PDCD10: variants seen among roughly 807,000 people sequenced by gnomAD.
PDCD10 encodes the protein programmed cell death 10.
PDCD10 carries 4 observed loss-of-function variants against 29.2 expected under a neutral mutation model. The observed-to-expected ratio is 0.14, with a 90% CI of 0.07 to 0.31. The LOEUF (loss-of-function observed/expected upper bound fraction) is 0.31, where lower values mean the gene tolerates loss of function less well. PDCD10 is among the 10% of genes least tolerant of loss of function. The pLI is 1.00. For synonymous variants in PDCD10, 70 were observed against 82.2 expected, an observed-to-expected ratio of 0.85 and a Z score of 0.80; for missense variants, 183 against 257.9, an observed-to-expected ratio of 0.71 and a Z score of 1.99.
intron 5 of PDCD10, 89 bp downstream of exon 5, chr3:167,696,920 A>T (rs1164835066): frequency 1.3e-6 from 1 of 794,890 alleles, no homozygotes; most frequent in African/African-American, 1.7e-5. Flanking sequence ...AACAGTAGGG[A>T]AGGAAGATCC....
In PDCD10 at chr3:167,703,927, C is replaced by T. The variant is rs560989531; in HGVS notation, c.150+915G>A. Among the ~76,000 whole-genome samples the T allele has an allele frequency of 7.2e-5, 11 of 152,190 alleles. No homozygotes were observed. The South Asian group carries it at 2.3e-3, about 32-fold the overall frequency. The stretch of plus-strand genomic sequence containing the variant: ...TACTAAGCTAGTTTACTTTCTTTTT[C>T]TTATATGAAGTCTTCAAAATCTGTG... On this transcript the variant is annotated intron_variant, in intron 4 of 8. Transcript: ENST00000392750.
At chr3:167,702,536 A>G (rs1404478525) in intron 4 of PDCD10, among the ~76,000 whole-genome samples, 2 of 152,156 alleles carry the variant, frequency 1.3e-5, no homozygotes, top group Admixed American at 6.5e-5. Context: ...TTATACTCAA[A>G]TCTTCAACTC....
At chr3:167,687,521 T>C (rs1719748111) in intron 7 of PDCD10, 94 bp downstream of exon 7, 1 of 828,766 alleles carries the variant, frequency 1.2e-6, no homozygotes, top group Non-Finnish European at 2.1e-6. Flanking sequence ...CACAAAACTA[T>C]TTCCAACAAT....
At chr3:167,693,797 A>G (rs1720507698) in intron 6 of PDCD10, among the ~76,000 whole-genome samples, 1 of 152,068 alleles carries the variant, frequency 6.6e-6, no homozygotes. Context: ...TTAAAAAAAA[A>G]AAAAAGAAAT....
rs62278330 is a variant in PDCD10 at position 167,732,927 on chromosome 3, G to C, written c.-117+1287C>G. Reference sequence around the variant, plus strand: ...GTTATCACCACATAATTTTCCATTTGTTTAACTGGGTCTTCCTTGTCTGTG... The same window carrying C: ...GTTATCACCACATAATTTTCCATTTCTTTAACTGGGTCTTCCTTGTCTGTG... On this transcript the variant is annotated intron_variant, in intron 2 of 8. Coordinates refer to ENST00000392750, the MANE Select transcript of PDCD10 (RefSeq NM_007217.4). Among the ~76,000 whole-genome samples, 342 of 152,210 alleles carry C rather than the reference G, an allele frequency of 2.2e-3. 1 individual carries two copies. Among genetic ancestry groups the C allele is most frequent in the Non-Finnish European group, 4.3e-3 (292 of 68,000 alleles).
intron 2 of PDCD10, among the ~76,000 whole-genome samples, chr3:167,727,683 T>G (rs954601395): frequency 2.0e-4 from 31 of 152,368 alleles, no homozygotes; most frequent in African/African-American, 7.5e-4. Flanking sequence ...AGGTCCTCTC[T>G]GCTTAAAGGT....
intron 3 of PDCD10, among the ~76,000 whole-genome samples, chr3:167,708,427 T>C (rs541583986): frequency 6.6e-6 from 1 of 152,298 alleles, no homozygotes; most frequent in African/African-American, 2.4e-5. Flanking sequence ...ACAAATCTAC[T>C]TGCTTCCTCA....
intron 4 of PDCD10, among the ~76,000 whole-genome samples, chr3:167,698,479 C>G (rs776077750): frequency 7.9e-5 from 12 of 151,816 alleles, no homozygotes; most frequent in Non-Finnish European, 1.8e-4. Context: ...GTGGCTGCAG[C>G]GAGCTATGAT....
At chr3:167,720,579 C>CCATA (rs1416585187) in intron 2 of PDCD10, among the ~76,000 whole-genome samples, 2 of 151,710 alleles carry the variant, frequency 1.3e-5, no homozygotes, top group Admixed American at 1.3e-4. Context: ...TGTCATGCCA[C>CCATA]CATATACAAT....
rs144292920 is a variant in PDCD10 at position 167,702,876 on chromosome 3, ATTAG to A, written c.150+1962_150+1965del. 3.9e-3 allele frequency among the ~76,000 whole-genome samples: 593 copies of A among 152,336 alleles called. 4 individuals are homozygous for A. The highest frequency in any genetic ancestry group is 7.0e-3 in the Non-Finnish European group (477 of 68,022). The stretch of plus-strand genomic sequence containing the variant: ...ATAATTAAAAATACATCAGTGTAAA[ATTAG>A]TTACTTTGTTTTCTTCCAAAATAAG... On this transcript the variant is annotated intron_variant, in intron 4 of 8. Transcript: ENST00000392750.
chr3:167,717,259 A>G (rs998603959), intron 3 of PDCD10, among the ~76,000 whole-genome samples: 1 of 152,010 alleles, frequency 6.6e-6, no homozygotes, highest in African/African-American at 2.4e-5. Flanking sequence ...AGGTGTAAAC[A>G]TGTCCTACTA....
intron 6 of PDCD10, among the ~76,000 whole-genome samples, chr3:167,688,626 C>T (rs1197196421): frequency 6.6e-6 from 1 of 152,052 alleles, no homozygotes; most frequent in African/African-American, 2.4e-5. Flanking sequence ...TGTAATTCTG[C>T]ATTCTCAAAT....
chr3:167,699,663 C>G (rs529285783), intron 4 of PDCD10, among the ~76,000 whole-genome samples: 3 of 151,998 alleles, frequency 2.0e-5, no homozygotes, highest in Admixed American at 2.0e-4. Flanking sequence ...AAAAATAAAC[C>G]GAAGGGCAGC....
At chr3:167,732,103 G>C (rs1470061657) in intron 2 of PDCD10, among the ~76,000 whole-genome samples, 4 of 152,292 alleles carry the variant, frequency 2.6e-5, no homozygotes, top group African/African-American at 9.6e-5. Context: ...GAATATTTAA[G>C]TCACGTTAAG....
intron 2 of PDCD10, among the ~76,000 whole-genome samples, chr3:167,720,745 A>G (rs1309004537): frequency 6.6e-6 from 1 of 152,070 alleles, no homozygotes; most frequent in Non-Finnish European, 1.5e-5. Flanking sequence ...TTTTATTAAA[A>G]CCTTTTTGCT....
intron 8 of PDCD10, 50 bp downstream of exon 8, chr3:167,687,184 C>G (rs1394922550): frequency 3.1e-6 from 3 of 961,772 alleles, no homozygotes; most frequent in Non-Finnish European, 5.0e-6. Context: ...TCATATAAAA[C>G]CACATAATCT....
chr3:167,722,227 G>A (rs889773866), intron 2 of PDCD10, among the ~76,000 whole-genome samples: 45 of 152,050 alleles, frequency 3.0e-4, no homozygotes, highest in Non-Finnish European at 5.9e-5. Flanking sequence ...ACCTTGAAGA[G>A]CTCTCATTGT....
intron 4 of PDCD10, among the ~76,000 whole-genome samples, chr3:167,704,104 G>C (rs1007554780): frequency 1.3e-5 from 2 of 152,160 alleles, no homozygotes; most frequent in Non-Finnish European, 2.9e-5. Context: ...TATCCTCAAA[G>C]TATATTTAAT....
At chr3:167,723,753 A>G (rs1400514090) in intron 2 of PDCD10, among the ~76,000 whole-genome samples, 1 of 152,230 alleles carries the variant, frequency 6.6e-6, no homozygotes, top group Non-Finnish European at 1.5e-5. Context: ...AACCAAGAAC[A>G]AGAAATGTTG....
Sources: gnomAD v4.1 joint callset for allele counts (sites outside exome capture counted in the v4.1 genomes callset) on GRCh38, gnomAD v4.1.1 for gene constraint, MANE v1.5 for transcripts, NCBI Gene and HGNC (gene_info 2026-07-23, HGNC 2026-07-21) for gene names.